CLN3: variants seen among roughly 807,000 people sequenced by gnomAD.
CLN3 encodes the protein battenin.
A neutral mutation model predicts 60.7 loss-of-function variants in CLN3; 49 were observed. The ratio of observed to expected loss-of-function variants is 0.81; its 90% CI spans 0.64 to 1.02. CLN3 has a LOEUF of 1.02. Ranked by LOEUF, CLN3 falls within the 50% of genes least tolerant of loss-of-function variation. The probability of loss-of-function intolerance (pLI) is 0.00; values close to 1 mark genes in which losing one functional copy is unlikely to be tolerated. For synonymous variants in CLN3, 256 were observed against 245.8 expected (o/e 1.04, Z -0.39); for missense variants, 516 against 557.4 (o/e 0.93, Z 0.75).
chr16:28,481,600 G>GC (rs1442097498), intron 14 of CLN3, among the ~76,000 whole-genome samples: 1 of 152,070 alleles, frequency 6.6e-6, no homozygotes, highest in African/African-American at 2.4e-5. Flanking sequence ...TCTGAGACCT[G>GC]CCCTAAGTCA....
At chr16:28,475,803 TA>T (rs1567252471), downstream of CLN3, 1 of 151,874 alleles carries the variant, frequency 6.6e-6, no homozygotes, top group East Asian at 1.9e-4. Flanking sequence ...ATTAAGTAAA[TA>T]AAAGTACTGT....
intron 9 of CLN3, among the ~76,000 whole-genome samples, chr16:28,485,753 T>G (rs2046202851): frequency 6.7e-6 from 1 of 149,752 alleles, no homozygotes; most frequent in Admixed American, 6.7e-5. Context: ...CTAATCACCT[T>G]GGGAACCACA....
downstream of CLN3, among the ~76,000 whole-genome samples, chr16:28,472,790 A>C (rs901671905): frequency 6.8e-6 from 1 of 148,118 alleles, no homozygotes; most frequent in African/African-American, 2.5e-5. Context: ...AAAAGAATGA[A>C]ACTCTGTTTC....
At position 28,488,675 on chromosome 16, in the gene CLN3, A is replaced by G; in HGVS notation, c.223-13T>C. On this transcript the variant is annotated splice_polypyrimidine_tract_variant and intron_variant, in intron 4 of 15. Coordinates refer to ENST00000636147, the MANE Select transcript of CLN3 (RefSeq NM_001042432.2). ...GGCCTGGGTCCACCTAATGGGAGAA[A>G]AGCATGTCTTTCACCCTGGAGGCAG... 1 of 1,613,790 alleles carries G rather than the reference A, an allele frequency of 6.2e-7. No individual in the cohort carries two copies. The highest frequency in any genetic ancestry group is 8.5e-7 in the Non-Finnish European group (1 of 1,179,740).
chr16:28,482,427 T>C (rs755386087), intron 12 of CLN3, 45 bp from the exon 13 acceptor site: 3 of 1,611,562 alleles, frequency 1.9e-6, no homozygotes, highest in Non-Finnish European at 2.5e-6. Context: ...GCTGTGTGGG[T>C]CCCAGCCCCA....
intron 3 of CLN3, 93 bp downstream of exon 3, chr16:28,491,389 C>T (rs2046310549): frequency 5.9e-6 from 9 of 1,518,864 alleles, no homozygotes; most frequent in Admixed American, 1.9e-5. Flanking sequence ...GGGTTCAGCT[C>T]CTTTGCGCAG....
intron 7 of CLN3, 98 bp from the exon 8 acceptor site, chr16:28,486,748 T>G: frequency 8.5e-7 from 1 of 1,171,150 alleles, no homozygotes; most frequent in Admixed American, 2.0e-5. Flanking sequence ...TATCAGCTCA[T>G]AGAGGCTCCA....
chr16:28,482,401 A>T lies in CLN3; in HGVS notation c.907-19T>A, dbSNP rs754055232. ...GTTCAAACTGCAACAAATACCAGAC[A>T]GGGGAGATGGACGGGGCTGTGTGGG... On this transcript the variant is annotated intron_variant, in intron 12 of 15. Coordinates refer to ENST00000636147, the MANE Select transcript of CLN3 (RefSeq NM_001042432.2). 1 of 1,614,086 alleles carries T rather than the reference A, an allele frequency of 6.2e-7. No homozygotes were observed. The highest frequency in any genetic ancestry group is 1.1e-5 in the South Asian group (1 of 91,086).
chr16:28,490,184 T>C (rs34834), intron 3 of CLN3: 5,715 of 152,242 alleles, frequency 0.038, 243 homozygotes, highest in East Asian at 0.15. Flanking sequence ...GGCTCACGCC[T>C]GTAATCCCAG....
chr16:28,474,465 A>T (rs967310373), downstream of CLN3, among the ~76,000 whole-genome samples: 1 of 150,142 alleles, frequency 6.7e-6, no homozygotes, highest in African/African-American at 2.4e-5. Context: ...CTCAAAAATA[A>T]AAAAAAAAGA....
chr16:28,472,810 A>G (rs2045962340), downstream of CLN3, among the ~76,000 whole-genome samples: 1 of 151,184 alleles, frequency 6.6e-6, no homozygotes, highest in African/African-American at 2.4e-5. Flanking sequence ...CAAAAAAAAA[A>G]AAAAAAAAAA....
At chr16:28,470,471 C>T (rs1226460936), downstream of CLN3, 1 of 1,555,742 alleles carries the variant, frequency 6.4e-7, no homozygotes, top group South Asian at 1.2e-5. Flanking sequence ...CTGAGGCGGC[C>T]AGGACAGAGG....
chr16:28,491,700 G>T lies in CLN3; in HGVS notation c.46+14C>A. The stretch of plus-strand genomic sequence containing the variant: ...AGAGGTGGTCGTTCCATGAGGGTGG[G>T]CGGGAATACTCACCCTCGGAATCCG... On this transcript the variant is annotated intron_variant, in intron 2 of 15. Coordinates refer to ENST00000636147, the MANE Select transcript of CLN3 (RefSeq NM_001042432.2). The T allele has an allele frequency of 6.2e-7, 1 of 1,614,150 alleles. No homozygotes were observed. Among genetic ancestry groups the T allele is most frequent in the Non-Finnish European group, 8.5e-7 (1 of 1,180,032 alleles).
chr16:28,477,258 A>G (rs964471292), downstream of CLN3: 20 of 538,958 alleles, frequency 3.7e-5, no homozygotes, highest in South Asian at 3.9e-4. Flanking sequence ...TTCTTTTTAG[A>G]GACAAAAACG....
chr16:28,486,528 G>A (rs1187735165), intron 8 of CLN3, 38 bp from the exon 9 acceptor site: 1 of 1,608,544 alleles, frequency 6.2e-7, no homozygotes, highest in South Asian at 1.1e-5. Context: ...GGAGGACCTA[G>A]GCTGACCATG....
At chr16:28,475,854 T>G (rs1299817453), downstream of CLN3, 1 of 151,806 alleles carries the variant, frequency 6.6e-6, no homozygotes, top group East Asian at 1.9e-4. Context: ...AGGGTAACAA[T>G]GAAGTATGAG....
At position 28,477,839 on chromosome 16, in the gene CLN3, G is replaced by A. The variant is rs757106140; in HGVS notation, c.1095C>T (p.Phe365=). The A allele has an allele frequency of 2.3e-5, 37 of 1,614,112 alleles. No individual in the cohort carries two copies. Among genetic ancestry groups the A allele is most frequent in the African/African-American group, 1.5e-4 (11 of 75,048 alleles). The change falls in exon 15 of 16, where the codon TTC becomes TTT. Residue 365 remains phenylalanine (F), a synonymous_variant. Coordinates refer to ENST00000636147, the MANE Select transcript of CLN3 (RefSeq NM_001042432.2). ...NLVFLLADVW[F]GFLPSIYLVF... ...CGAGGTAGATGCTTGGCAGAAAGCC[G>A]AACCACACGTCTGCCAGCAGGAACA... is the stretch of plus-strand genomic sequence containing the variant.
Position 28,481,166 on chromosome 16 carries a change from C to T in CLN3, c.1056+939G>A, listed in dbSNP as rs895931295. On this transcript the variant is annotated intron_variant, in intron 14 of 15. Transcript: ENST00000636147. ...TCGCTCTATTGCCTAGGCTGGAGTG[C>T]AGTGGCATGACCTTGGTTACTGCAG... 3.9e-5 allele frequency among the ~76,000 whole-genome samples: 6 copies of T among 152,110 alleles called. No homozygotes were observed. In the East Asian group the frequency reaches 1.2e-3, roughly 29 times the overall value.
intron 3 of CLN3, among the ~76,000 whole-genome samples, chr16:28,491,215 G>C (rs565760600): frequency 6.6e-6 from 1 of 152,284 alleles, no homozygotes; most frequent in South Asian, 2.1e-4. Flanking sequence ...AAAAATATGT[G>C]CACTAAAAAA....
Sources: gnomAD v4.1 joint callset for allele counts (sites outside exome capture counted in the v4.1 genomes callset) on GRCh38, gnomAD v4.1.1 for gene constraint, MANE v1.5 for transcripts, NCBI Gene and HGNC (gene_info 2026-07-23, HGNC 2026-07-21) for gene names.